The following IRX2 variants were observed in gnomAD, a reference collection of about 807,000 sequenced individuals.
IRX2 encodes the protein iroquois homeobox 2, also known as iroquois-class homeodomain protein IRX-2.
In IRX2, 26 loss-of-function variants were observed where a neutral mutation model predicts 42.9. That is an observed-to-expected ratio of 0.61 (90% CI 0.44 to 0.84). The LOEUF (loss-of-function observed/expected upper bound fraction) is 0.84, where lower values mean the gene tolerates loss of function less well. Ranked by LOEUF, IRX2 falls within the 40% of genes least tolerant of loss-of-function variation. The probability of loss-of-function intolerance (pLI) is 0.00; values close to 1 mark genes in which losing one functional copy is unlikely to be tolerated. For synonymous variants in IRX2, 424 were observed against 353.9 expected, an observed-to-expected ratio of 1.20 and a Z score of -2.22; for missense variants, 782 against 713.9, an observed-to-expected ratio of 1.10 and a Z score of -1.09.
chr5:2,746,850 A>C lies in IRX2; in HGVS notation c.*714T>G, dbSNP rs2111441593. On this transcript the variant is annotated 3_prime_UTR_variant, in exon 4 of 4. Transcript: ENST00000302057. The stretch of plus-strand genomic sequence containing the variant: ...TCAGTTCCACAACAACACCATTATA[A>C]AAACGAGTTGATCTGAAGTGGTTCC... 6.6e-6 allele frequency: 1 copy of C among 152,158 alleles called. No homozygotes were observed. The highest frequency in any genetic ancestry group is 1.9e-4 in the East Asian group (1 of 5,174). 9.4% of individuals were successfully genotyped at this position (152,158 alleles called of 1,614,324 possible). A position where few individuals can be genotyped will look rare whatever the true frequency, so the allele number is the denominator to read the frequency against.
chr5:2,742,503 C>T (rs1424398540), downstream of IRX2, among the ~76,000 whole-genome samples: 1 of 152,156 alleles, frequency 6.6e-6, no homozygotes, highest in Non-Finnish European at 1.5e-5. Flanking sequence ...ATCCACATAG[C>T]ACAGACGGTT....
the IRX2 span, among the ~76,000 whole-genome samples, chr5:2,740,188 C>CGG: frequency 1.3e-5 from 2 of 148,746 alleles, no homozygotes; most frequent in South Asian, 2.2e-4. Context: ...CGTGCGGGGG[C>CGG]GGGGGTCCTG....
downstream of IRX2, among the ~76,000 whole-genome samples, chr5:2,740,909 C>T (rs966204004): frequency 6.6e-6 from 1 of 152,154 alleles, no homozygotes; most frequent in African/African-American, 2.4e-5. Context: ...TCCGAGCTTA[C>T]TGAGCACCCG....
the IRX2 span, among the ~76,000 whole-genome samples, chr5:2,735,829 C>T: frequency 6.6e-6 from 1 of 152,134 alleles, no homozygotes; most frequent in East Asian, 1.9e-4. Context: ...ACTAGTGGAG[C>T]TTGGTAAATT....
chr5:2,738,039 G>A, the IRX2 span, among the ~76,000 whole-genome samples: 1 of 152,166 alleles, frequency 6.6e-6, no homozygotes, highest in African/African-American at 2.4e-5. Flanking sequence ...GGGGTGCATC[G>A]GCTGTGCACC....
rs1737675516 is a variant in IRX2 at position 2,746,720 on chromosome 5, T to C, written c.*844A>G. 1 of 147,366 alleles carries C rather than the reference T, an allele frequency of 6.8e-6. No homozygotes were observed. Among genetic ancestry groups the C allele is most frequent in the African/African-American group, 2.5e-5 (1 of 40,332 alleles). The allele number at this position is 147,366 out of a possible 1,614,324, so 9.1% of individuals were successfully genotyped here. ...TTGTTGTATCTGTAAATTTATGAGC[T>C]TGGGAAGAGAGAATGGCCTGCTGAC... is the stretch of plus-strand genomic sequence containing the variant. On this transcript the variant is annotated 3_prime_UTR_variant, in exon 4 of 4. Coordinates refer to ENST00000302057, the MANE Select transcript of IRX2 (RefSeq NM_033267.5).
Position 2,749,558 on chromosome 5 carries a change from T to C in IRX2, c.479A>G (p.Gln160Arg). 1 of 1,614,228 alleles carries C rather than the reference T, an allele frequency of 6.2e-7. No individual in the cohort carries two copies. The highest frequency in any genetic ancestry group is 8.5e-7 in the Non-Finnish European group (1 of 1,180,040). ...LAIITKMTLT[Q>R]VSTWFANARR... is the part of the protein sequence containing the mutation. ...CGCGTTGGCGAACCAGGTGGAGACC[T>C]GGGTGAGGGTCATCTTGGTGATGAT... Residue 160 changes from glutamine to arginine, a missense_variant, in exon 2 of 4, where the codon CAG (glutamine) becomes CGG (arginine). By Grantham distance (43) the Gln-to-Arg change is conservative. Coordinates refer to ENST00000302057, the MANE Select transcript of IRX2 (RefSeq NM_033267.5).
Position 2,746,320 on chromosome 5 carries a change from C to T in IRX2, c.*1244G>A, listed in dbSNP as rs1444392628. ...AAGTTTAGATTCCATTGCAATACAA[C>T]TTGCATAAATTACTAGAAGCTTTAT... is the stretch of plus-strand genomic sequence containing the variant. On this transcript the variant is annotated 3_prime_UTR_variant, in exon 4 of 4. Transcript: ENST00000302057. The T allele has an allele frequency of 6.6e-6, 1 of 152,214 alleles. No individual in the cohort carries two copies. Among genetic ancestry groups the T allele is most frequent in the African/African-American group, 2.4e-5 (1 of 41,462 alleles). The allele number at this position is 152,214 out of a possible 1,614,324, so 9.4% of individuals were successfully genotyped here. A position where few individuals can be genotyped will look rare whatever the true frequency, so the allele number is the denominator to read the frequency against.
downstream of IRX2, among the ~76,000 whole-genome samples, chr5:2,744,546 T>C (rs1737616432): frequency 6.6e-6 from 1 of 152,206 alleles, no homozygotes; most frequent in Admixed American, 6.5e-5. Context: ...ATGAAGGTTT[T>C]ATTTCTAAAA....
chr5:2,736,254 C>A, the IRX2 span, among the ~76,000 whole-genome samples: 1 of 152,316 alleles, frequency 6.6e-6, no homozygotes, highest in Non-Finnish European at 1.5e-5. Context: ...CCACTGGGCC[C>A]TGGTGAAGCA....
Position 2,747,438 on chromosome 5 carries a change from GCT to G in IRX2, c.*124_*125del. The G allele has an allele frequency of 1.4e-6, 1 of 694,530 alleles. No homozygotes were observed. The highest frequency in any genetic ancestry group is 2.0e-5 in the South Asian group (1 of 49,634). The allele number at this position is 694,530 out of a possible 1,614,324, so 43.0% of individuals were successfully genotyped here. A position where few individuals can be genotyped will look rare whatever the true frequency, so the allele number is the denominator to read the frequency against. ...AAGAAAAGCTGGACAAGATTGAAAT[GCT>G]CTGTCTTCTAACCCCATGACCAGAA... On this transcript the variant is annotated 3_prime_UTR_variant, in exon 4 of 4. Transcript: ENST00000302057.
intron 2 of IRX2, 88 bp from the exon 3 acceptor site, chr5:2,749,140 C>T: frequency 1.3e-6 from 2 of 1,523,944 alleles, no homozygotes; most frequent in Non-Finnish European, 1.8e-6. Flanking sequence ...GGCACTGGGC[C>T]CTCCCCACGG....
chr5:2,741,664 AAATT>A (rs1463297348), downstream of IRX2, among the ~76,000 whole-genome samples: 2 of 152,224 alleles, frequency 1.3e-5, no homozygotes, highest in African/African-American at 4.8e-5. Flanking sequence ...CACACACAAT[AAATT>A]GTCAATTTAT....
chr5:2,747,320 T>TATA lies in IRX2; in HGVS notation c.*243_*244insTAT, dbSNP rs200429418. 1.4e-4 allele frequency: 6 copies of TATA among 42,544 alleles called. No homozygotes were observed. The highest frequency in any genetic ancestry group is 8.3e-4 in the South Asian group (1 of 1,206). The allele number at this position is 42,544 out of a possible 1,614,324, so 2.6% of individuals were successfully genotyped here. On this transcript the variant is annotated 3_prime_UTR_variant, in exon 4 of 4. Transcript: ENST00000302057. ...ACACACACACACATATATATATATA[T>TATA]TTTTTTTTTCCTTCCCTAGGTAAAG...
Position 2,751,590 on chromosome 5 carries a change from C to G in IRX2, c.-177G>C, listed in dbSNP as rs1470027163. The G allele has an allele frequency of 4.9e-6, 1 of 202,122 alleles. No individual in the cohort carries two copies. Among genetic ancestry groups the G allele is most frequent in the Non-Finnish European group, 8.6e-6 (1 of 116,764 alleles). The allele number at this position is 202,122 out of a possible 1,614,324, so 12.5% of individuals were successfully genotyped here. On this transcript the variant is annotated 5_prime_UTR_variant, in exon 1 of 4. Transcript: ENST00000302057. The surrounding 1 kb of genome is among the most constrained non-coding windows in gnomAD (Gnocchi z 4.0). ...GCGGGCCGGGGCGGCGGCGGGGTGG[C>G]GGTGGCGGCGGCAGCAGCGCGGAGC...
rs1737851257 is a variant in IRX2, at chr5:2,749,575, G to C, written c.462C>G (p.Thr154=). 1 of 1,614,234 alleles carries C rather than the reference G, an allele frequency of 6.2e-7. No homozygotes were observed. Residue 154 remains threonine, a synonymous_variant, in exon 2 of 4, where the codon ACC becomes ACG. Coordinates refer to ENST00000302057, the MANE Select transcript of IRX2 (RefSeq NM_033267.5). ...KGEKIMLAII[T]KMTLTQVSTW... ...TGGAGACCTGGGTGAGGGTCATCTT[G>C]GTGATGATGGCTAGCATGATCTTCT...
downstream of IRX2, among the ~76,000 whole-genome samples, chr5:2,741,042 G>A (rs781098048): frequency 7.2e-5 from 11 of 152,254 alleles, no homozygotes; most frequent in Non-Finnish European, 1.6e-4. Context: ...GTGCAGAGCC[G>A]GGTGCACGCG....
At chr5:2,743,859 C>T (rs143885831), downstream of IRX2, among the ~76,000 whole-genome samples, 785 of 152,308 alleles carry the variant, frequency 5.2e-3, 21 homozygotes, top group South Asian at 0.09. Context: ...TCCTTCTAAA[C>T]ACCTGCAGGT....
the IRX2 span, among the ~76,000 whole-genome samples, chr5:2,738,959 CCTA>C: frequency 6.6e-6 from 1 of 152,160 alleles, no homozygotes; most frequent in Admixed American, 6.5e-5. Flanking sequence ...GCCGGGTAGG[CCTA>C]CTGTGGGATG....
Sources: gnomAD v4.1 joint callset for allele counts (sites outside exome capture counted in the v4.1 genomes callset) on GRCh38, gnomAD v4.1.1 for gene constraint, Gnocchi (gnomAD v3.1) non-coding constraint, MANE v1.5 for transcripts, NCBI Gene and HGNC (gene_info 2026-07-23, HGNC 2026-07-21) for gene names.